THAP3: variants seen among roughly 807,000 people sequenced by gnomAD.
THAP3 encodes the protein THAP domain containing 3.
A neutral mutation model predicts 17.7 loss-of-function variants in THAP3; 12 were observed. The ratio of observed to expected loss-of-function variants is 0.68; its 90% confidence interval spans 0.43 to 1.10. THAP3 has a LOEUF of 1.10. Ranked by LOEUF, THAP3 falls within the 50% of genes least tolerant of loss-of-function variation. The probability of loss-of-function intolerance (pLI) is 0.00; values close to 1 mark genes in which losing one functional copy is unlikely to be tolerated. For synonymous variants in THAP3, 133 were observed against 126.9 expected, an observed-to-expected ratio of 1.05 and a Z score of -0.32; for missense variants, 289 against 318.0, an observed-to-expected ratio of 0.91 and a Z score of 0.69.
rs534169166 is a variant in THAP3 at position 6,625,495 on chromosome 1, G to T, written c.74+203G>T. ...GAGTGGCGGACGGAGGGGCAGCGGC[G>T]CACCTGGCGGGGCCAGGGCCGGGAC... On this transcript the variant is annotated intron_variant, in intron 2 of 5. Transcript: ENST00000054650. Among the ~76,000 whole-genome samples, 27 of 151,870 alleles carry T rather than the reference G, an allele frequency of 1.8e-4. 1 individual carries two copies. The highest frequency in any genetic ancestry group is 6.3e-4 in the African/African-American group (26 of 41,556).
intron 2 of THAP3, among the ~76,000 whole-genome samples, chr1:6,627,472 C>G (rs904439167): frequency 1.3e-5 from 2 of 152,236 alleles, no homozygotes; most frequent in Non-Finnish European, 2.9e-5. Flanking sequence ...TCAGGTGATT[C>G]TTGTGCCTCA....
intron 4 of THAP3, among the ~76,000 whole-genome samples, chr1:6,632,075 G>T (rs1641630345): frequency 6.6e-6 from 1 of 151,280 alleles, no homozygotes; most frequent in African/African-American, 2.4e-5. Flanking sequence ...ATTTAGCCAG[G>T]CGTGGTGGCA....
At chr1:6,628,415 C>CT in intron 2 of THAP3, 84 bp from the exon 3 acceptor site, 1 of 1,140,562 alleles carries the variant, frequency 8.8e-7, no homozygotes, top group Non-Finnish European at 1.2e-6. Context: ...GGGAAGTACT[C>CT]TGTAGTGATG....
In THAP3 at chr1:6,625,170, C is replaced by A; in HGVS notation, c.-49C>A. The A allele has an allele frequency of 6.6e-7, 1 of 1,520,888 alleles. No individual in the cohort carries two copies. Among genetic ancestry groups the A allele is most frequent in the Non-Finnish European group, 8.8e-7 (1 of 1,137,370 alleles). 94.2% of individuals were successfully genotyped at this position (1,520,888 alleles called of 1,614,324 possible). A position where few individuals can be genotyped will look rare whatever the true frequency, so the allele number is the denominator to read the frequency against. On this transcript the variant is annotated 5_prime_UTR_variant, in exon 2 of 6. Coordinates refer to ENST00000054650, the MANE Select transcript of THAP3 (RefSeq NM_001195753.2). Reference sequence around the variant, plus strand: ...CGCAGGTCCCTCCCCTCTCCGCAGGCCCCGCCGCCGCCGCCATCTTTGTTG... The same window carrying A: ...CGCAGGTCCCTCCCCTCTCCGCAGGACCCGCCGCCGCCGCCATCTTTGTTG...
At chr1:6,628,264 G>A (rs184192252) in intron 2 of THAP3, 68 of 487,828 alleles carry the variant, frequency 1.4e-4, no homozygotes, top group African/African-American at 1.1e-3. Context: ...ATGTAGCATC[G>A]GAAGCAGCTC....
At chr1:6,633,997 C>T (rs534095532), downstream of THAP3, 6 of 1,608,308 alleles carry the variant, frequency 3.7e-6, no homozygotes, top group African/African-American at 2.7e-5. Context: ...GATTTCCTAA[C>T]TTGGGGTCTA....
chr1:6,629,296 C>T (rs532297956), intron 3 of THAP3, among the ~76,000 whole-genome samples: 1 of 152,328 alleles, frequency 6.6e-6, no homozygotes, highest in South Asian at 2.1e-4. Flanking sequence ...GGACAAGCCA[C>T]AGGCCAGCAG....
rs1383357461 is a variant in THAP3, at chr1:6,633,263, T to C, written c.*186T>C. ...GCCCCAATGCCGTCTGGGGGACGTT[T>C]AGAGGCGTGGCACTAGGAGTGCACA... On this transcript the variant is annotated 3_prime_UTR_variant, in exon 6 of 6. Transcript: ENST00000054650. 7.0e-6 allele frequency: 10 copies of C among 1,436,292 alleles called. No homozygotes were observed. In the East Asian group the frequency reaches 2.5e-4, roughly 36 times the overall value. 89.0% of individuals were successfully genotyped at this position (1,436,292 alleles called of 1,614,324 possible). A position where few individuals can be genotyped will look rare whatever the true frequency, so the allele number is the denominator to read the frequency against.
chr1:6,634,734 GTGT>G, downstream of THAP3: 1 of 1,357,368 alleles, frequency 7.4e-7, no homozygotes, highest in Non-Finnish European at 9.8e-7. Flanking sequence ...ACAGGCCCTG[GTGT>G]TCCTGTGAGG....
downstream of THAP3, chr1:6,633,993 C>G (rs185043351): frequency 5.6e-6 from 9 of 1,605,668 alleles, no homozygotes; most frequent in Non-Finnish European, 6.8e-6. Context: ...GCCTGATTTC[C>G]TAACTTGGGG....
chr1:6,632,629 CCAGT>C (rs751707310), intron 5 of THAP3, 134 bp downstream of exon 5: 67 of 1,452,680 alleles, frequency 4.6e-5, no homozygotes, highest in Admixed American at 8.0e-5. Context: ...TCAGAGCTCC[CCAGT>C]CAAATTCTCC....
intron 4 of THAP3, among the ~76,000 whole-genome samples, chr1:6,630,835 G>A (rs977971446): frequency 2.0e-5 from 3 of 151,922 alleles, no homozygotes; most frequent in African/African-American, 7.3e-5. Context: ...GCCTCACAAA[G>A]TGCTGGGATT....
chr1:6,632,108 C>T lies in THAP3; in HGVS notation c.334-283C>T, dbSNP rs1490080796. The stretch of plus-strand genomic sequence containing the variant: ...GCACATGCTTGTAATTCTAGCTACT[C>T]AGGAGGCTGAGGCACGAGAATCACC... On this transcript the variant is annotated intron_variant, in intron 4 of 5. Coordinates refer to ENST00000054650, the MANE Select transcript of THAP3 (RefSeq NM_001195753.2). Among the ~76,000 whole-genome samples the T allele has an allele frequency of 2.7e-5, 4 of 150,614 alleles. No homozygotes were observed. The East Asian group carries it at 7.8e-4, about 29-fold the overall frequency.
Position 6,633,394 on chromosome 1 carries a change from C to A in THAP3, c.*317C>A, listed in dbSNP as rs960049668. The A allele has an allele frequency of 3.1e-5, 38 of 1,223,156 alleles. No individual in the cohort carries two copies. In the African/African-American group the frequency reaches 5.5e-4, roughly 18 times the overall value. The allele number at this position is 1,223,156 out of a possible 1,614,324, so 75.8% of individuals were successfully genotyped here. A position where few individuals can be genotyped will look rare whatever the true frequency, so the allele number is the denominator to read the frequency against. Reference sequence around the variant, plus strand: ...CACGCAGAGCAAAGATCGTTGGAAGCCCCAGTGTGGGAGATGCTCCTCAGG... The same window carrying A: ...CACGCAGAGCAAAGATCGTTGGAAGACCCAGTGTGGGAGATGCTCCTCAGG... On this transcript the variant is annotated 3_prime_UTR_variant, in exon 6 of 6. Coordinates refer to ENST00000054650, the MANE Select transcript of THAP3 (RefSeq NM_001195753.2).
At chr1:6,630,267 C>T (rs773736230) in intron 3 of THAP3, 21 bp from the exon 4 acceptor site, 5 of 1,613,336 alleles carry the variant, frequency 3.1e-6, no homozygotes, top group Non-Finnish European at 4.2e-6. Flanking sequence ...TCTGCATCCA[C>T]TCTGTGTGTG....
intron 3 of THAP3, chr1:6,629,838 C>T (rs1641561143): frequency 1.1e-5 from 2 of 183,764 alleles, no homozygotes; most frequent in South Asian, 1.3e-4. Flanking sequence ...CTGTAGCCCT[C>T]GGTGCTTCCA....
At chr1:6,632,285 G>T in intron 4 of THAP3, 106 bp from the exon 5 acceptor site, 1 of 1,497,648 alleles carries the variant, frequency 6.7e-7, no homozygotes, top group Non-Finnish European at 9.1e-7. Flanking sequence ...ACAGACCCTG[G>T]AGCTGGTCCC....
Position 6,633,384 on chromosome 1 carries a change from T to G in THAP3, c.*307T>G. Reference sequence around the variant, plus strand: ...CCTTTCAGCACACGCAGAGCAAAGATCGTTGGAAGCCCCAGTGTGGGAGAT... The same window carrying G: ...CCTTTCAGCACACGCAGAGCAAAGAGCGTTGGAAGCCCCAGTGTGGGAGAT... On this transcript the variant is annotated 3_prime_UTR_variant, in exon 6 of 6. Coordinates refer to ENST00000054650, the MANE Select transcript of THAP3 (RefSeq NM_001195753.2). 8.1e-7 allele frequency: 1 copy of G among 1,240,970 alleles called. No homozygotes were observed. Among genetic ancestry groups the G allele is most frequent in the South Asian group, 1.8e-5 (1 of 54,726 alleles). The allele number at this position is 1,240,970 out of a possible 1,614,324, so 76.9% of individuals were successfully genotyped here. A position where few individuals can be genotyped will look rare whatever the true frequency, so the allele number is the denominator to read the frequency against.
At position 6,632,404 on chromosome 1, in the gene THAP3, C is replaced by T. The variant is rs140557311; in HGVS notation, c.347C>T (p.Ala116Val). 29 of 1,613,594 alleles carry T rather than the reference C, an allele frequency of 1.8e-5. No individual in the cohort carries two copies. Among genetic ancestry groups the T allele is most frequent in the African/African-American group, 8.0e-5 (6 of 74,922 alleles). The change falls in exon 5 of 6, where the codon GCG (alanine) becomes GTG (valine). Residue 116 changes from alanine to valine, a missense_variant. Coordinates refer to ENST00000054650, the MANE Select transcript of THAP3 (RefSeq NM_001195753.2). ...TGCCGTTCCCAGGTCCTCCCTGAGG[C>T]GGGGGCCGGAGAGGACAGTCCTGGG... Reference protein sequence around the residue: ...SSQKEKVLPEAGAGEDSPGRN... With the variant: ...SSQKEKVLPEVGAGEDSPGRN...
Sources: gnomAD v4.1 joint callset for allele counts (sites outside exome capture counted in the v4.1 genomes callset) on GRCh38, gnomAD v4.1.1 for gene constraint, MANE v1.5 for transcripts, NCBI Gene and HGNC (gene_info 2026-07-23, HGNC 2026-07-21) for gene names.